Variants in AVEN observed in about 807,000 individuals in gnomAD.
The protein encoded by AVEN is cell death regulator Aven.
In AVEN, 41 loss-of-function variants were observed where a neutral mutation model predicts 38.1. That is an observed-to-expected ratio of 1.08 (90% CI 0.84 to 1.40). The LOEUF (loss-of-function observed/expected upper bound fraction) is 1.40. AVEN is among the 40% of genes most tolerant of loss of function. AVEN has a pLI of 0.00. For synonymous variants in AVEN, 206 were observed against 171.8 expected (o/e 1.20, Z -1.56); for missense variants, 605 against 438.8 (o/e 1.38, Z -3.38).
rs891192980 is a variant in AVEN at position 33,968,237 on chromosome 15, C to A, written c.445+34795G>T. Among the ~76,000 whole-genome samples the A allele has an allele frequency of 2.0e-5, 3 of 150,826 alleles. No homozygotes were observed. In the South Asian group the frequency reaches 6.4e-4, roughly 32 times the overall value. ...CTCTTTTTCCTCCCAAAATACGTCA[C>A]TTAACTGTCTGTCAAATAACTCTTG... On this transcript the variant is annotated intron_variant, in intron 2 of 5. Coordinates refer to ENST00000306730, the MANE Select transcript of AVEN (RefSeq NM_020371.3).
chr15:33,911,387 C>G (rs1567409651), intron 2 of AVEN, among the ~76,000 whole-genome samples: 2 of 152,130 alleles, frequency 1.3e-5, no homozygotes, highest in Non-Finnish European at 2.9e-5. Flanking sequence ...TAGCTTTGTT[C>G]CCTGCCCCCC....
At chr15:33,953,488 A>T (rs1894829837) in intron 2 of AVEN, among the ~76,000 whole-genome samples, 1 of 152,162 alleles carries the variant, frequency 6.6e-6, no homozygotes, top group Non-Finnish European at 1.5e-5. Flanking sequence ...AACACCACAC[A>T]TCCACAACCA....
At chr15:33,906,889 T>C (rs530816587) in intron 2 of AVEN, among the ~76,000 whole-genome samples, 103 of 152,218 alleles carry the variant, frequency 6.8e-4, no homozygotes, top group Middle Eastern at 6.8e-3. Context: ...AAGTGGTAAA[T>C]CTTATGTATA....
At chr15:33,999,676 C>T (rs1897064819) in intron 2 of AVEN, among the ~76,000 whole-genome samples, 2 of 152,168 alleles carry the variant, frequency 1.3e-5, no homozygotes, top group African/African-American at 4.8e-5. Context: ...ACCACCTCCA[C>T]TGCTCTCCTC....
At chr15:33,861,455 C>G, downstream of AVEN, among the ~76,000 whole-genome samples, 1 of 151,356 alleles carries the variant, frequency 6.6e-6, no homozygotes, top group East Asian at 2.0e-4. Flanking sequence ...CTCTACTGGA[C>G]TTCTTCTATC....
intron 1 of AVEN, among the ~76,000 whole-genome samples, chr15:34,004,636 C>T (rs891306161): frequency 2.0e-5 from 3 of 152,164 alleles, no homozygotes; most frequent in Admixed American, 1.3e-4. Context: ...AAACACTGAA[C>T]TCTTTATGGA....
At position 34,038,778 on chromosome 15, in the gene AVEN, A is replaced by AG. The variant is rs1899298155; in HGVS notation, c.267+1_267+2insC. On this transcript the variant is annotated splice_donor_variant, in intron 1 of 5. Transcript: ENST00000306730. LOFTEE classifies it high-confidence loss of function. Reference sequence around the variant, plus strand: ...CCAGCCCCACCAGCCGTCGCCTCTTACCGGCGCGCTGGCCCCTGCGCCCCA... The same window carrying AG: ...CCAGCCCCACCAGCCGTCGCCTCTTAGCCGGCGCGCTGGCCCCTGCGCCCCA... 8.5e-7 allele frequency: 1 copy of AG among 1,173,858 alleles called. No individual in the cohort carries two copies. Among genetic ancestry groups the AG allele is most frequent in the Admixed American group, 4.6e-5 (1 of 21,736 alleles). The allele number at this position is 1,173,858 out of a possible 1,614,324, so 72.7% of individuals were successfully genotyped here. A position where few individuals can be genotyped will look rare whatever the true frequency, so the allele number is the denominator to read the frequency against.
At chr15:34,011,092 C>T (rs1254671368) in intron 1 of AVEN, among the ~76,000 whole-genome samples, 2 of 152,008 alleles carry the variant, frequency 1.3e-5, no homozygotes, top group Non-Finnish European at 2.9e-5. Context: ...TTTGGGAGGC[C>T]TAGGCAAGAG....
At chr15:33,858,891 A>G (rs2080022098) in exon 12 of AVEN, 1 of 152,438 alleles carries the variant, frequency 6.6e-6, no homozygotes, top group Admixed American at 6.5e-5. Context: ...AAAACTCTCC[A>G]TGTGCTTTCT....
intron 5 of AVEN, among the ~76,000 whole-genome samples, chr15:34,062,246 A>G (rs1900357890): frequency 6.6e-6 from 1 of 152,196 alleles, no homozygotes; most frequent in African/African-American, 2.4e-5. Flanking sequence ...AGCCACGTTT[A>G]ATATTCCATT....
At chr15:33,981,071 A>G (rs977695912) in intron 2 of AVEN, among the ~76,000 whole-genome samples, 1 of 94,126 alleles carries the variant, frequency 1.1e-5, no homozygotes, top group Non-Finnish European at 2.8e-5. Flanking sequence ...TACAATCACA[A>G]CTTGATTCCA....
chr15:33,952,290 G>A (rs1273443442), intron 2 of AVEN, among the ~76,000 whole-genome samples: 1 of 152,164 alleles, frequency 6.6e-6, no homozygotes, highest in Non-Finnish European at 1.5e-5. Context: ...GGAGTTGGAG[G>A]AGGCAAAGCA....
chr15:33,933,524 C>CACACACACACAGAGAG (rs1893945145), intron 2 of AVEN, among the ~76,000 whole-genome samples: 32 of 46,646 alleles, frequency 6.9e-4, no homozygotes, highest in Non-Finnish European at 8.9e-4. Context: ...CACACACACA[C>CACACACACACAGAGAG]AGAGAGAGAG....
intron 1 of AVEN, among the ~76,000 whole-genome samples, chr15:34,025,935 T>C (rs1898448837): frequency 1.3e-5 from 2 of 152,238 alleles, no homozygotes. Flanking sequence ...ACAGTTTTTA[T>C]GTGCAGTCTT....
In AVEN at chr15:34,064,319, A is replaced by G. The variant is rs766879380; in HGVS notation, n.1127-887T>C. ...AGGGGAACAGCAAGCTACCCTGAAA[A>G]GTCAACAACTCCTCTCGAAAGAACA... On this transcript the variant is annotated intron_variant and non_coding_transcript_variant, in intron 4 of 11. Coordinates refer to the AVEN transcript ENST00000675287. 1.4e-5 allele frequency: 23 copies of G among 1,607,546 alleles called. No individual in the cohort carries two copies. The South Asian group carries it at 2.6e-4, about 18-fold the overall frequency.
At chr15:34,013,830 T>C (rs977628941) in intron 1 of AVEN, among the ~76,000 whole-genome samples, 2 of 152,064 alleles carry the variant, frequency 1.3e-5, no homozygotes, top group Non-Finnish European at 2.9e-5. Context: ...GGGAAGAGTA[T>C]GTACGAGGAC....
downstream of AVEN, chr15:33,866,177 G>GGACAT (rs371186800): frequency 1.7e-5 from 3 of 172,606 alleles, no homozygotes; most frequent in African/African-American, 7.1e-5. Context: ...CTGGGAAAGG[G>GGACAT]GACATGAGAC....
At position 33,860,885 on chromosome 15, in the gene AVEN, C is replaced by G. The variant is rs186215797; in HGVS notation, n.2730-1791G>C. ...GGAGGGAGCAGTATCCTCAGCTAATCAGGAGCTAAGTGTATGGCACTACTG... is the reference window on the plus strand; with the variant it reads ...GGAGGGAGCAGTATCCTCAGCTAATGAGGAGCTAAGTGTATGGCACTACTG... On this transcript the variant is annotated intron_variant and non_coding_transcript_variant, in intron 11 of 11. Coordinates refer to the AVEN transcript ENST00000675287. Among the ~76,000 whole-genome samples the G allele has an allele frequency of 2.6e-4, 39 of 152,028 alleles. No homozygotes were observed. In the East Asian group the frequency reaches 4.1e-3, roughly 16 times the overall value.
chr15:33,870,376 G>T (rs907910586), intron 4 of AVEN, among the ~76,000 whole-genome samples: 5 of 152,144 alleles, frequency 3.3e-5, no homozygotes, highest in Non-Finnish European at 7.3e-5. Context: ...ACGCAAAGCT[G>T]ACTGGGTCTT....
Sources: allele counts gnomAD v4.1 joint callset (sites outside exome capture counted in the v4.1 genomes callset), GRCh38; gene constraint gnomAD v4.1.1; transcripts MANE v1.5; gene names NCBI Gene and HGNC (gene_info 2026-07-23, HGNC 2026-07-21).